Variants in SYNE2 observed in about 807,000 individuals in gnomAD.
SYNE2 encodes the protein nesprin-2.
In SYNE2, 431 loss-of-function variants were observed where a neutral mutation model predicts 856.3. The observed-to-expected ratio is 0.50, with a 90% CI of 0.47 to 0.55. SYNE2 has a LOEUF of 0.55. Ranked by LOEUF, SYNE2 falls within the 20% of genes least tolerant of loss-of-function variation. SYNE2 has a pLI of 0.00. For synonymous variants in SYNE2, 2,923 were observed against 2,872.3 expected, an observed-to-expected ratio of 1.02 and a Z score of -0.56; for missense variants, 8,129 against 8,023.2, an observed-to-expected ratio of 1.01 and a Z score of -0.50.
intron 1 of SYNE2, among the ~76,000 whole-genome samples, chr14:63,858,064 AAG>A (rs932735266): frequency 6.6e-6 from 1 of 152,016 alleles, no homozygotes; most frequent in Non-Finnish European, 1.5e-5. Context: ...CAGAAGGGCA[AAG>A]AGAGGGTGAG....
At chr14:64,013,631 G>A (rs773087460) in intron 32 of SYNE2, among the ~76,000 whole-genome samples, 13 of 152,186 alleles carry the variant, frequency 8.5e-5, no homozygotes, top group Non-Finnish European at 1.3e-4. Flanking sequence ...AGTTCCACCT[G>A]TGTGGACAAA....
rs769710539 is a variant in SYNE2 at position 64,146,272 on chromosome 14, G to A, written c.15639+49G>A. On this transcript the variant is annotated intron_variant, in intron 84 of 115. Transcript: ENST00000555002. The stretch of plus-strand genomic sequence containing the variant: ...CCCAACCCGCGAGCTGGGGTGATTC[G>A]GTCACCTCTCTTGCCCCGAGGATAA... 2.7e-5 allele frequency: 41 copies of A among 1,544,840 alleles called. 1 individual carries two copies. Among genetic ancestry groups the A allele is most frequent in the Non-Finnish European group, 3.0e-5 (34 of 1,141,594 alleles).
intron 45 of SYNE2, among the ~76,000 whole-genome samples, chr14:64,038,475 G>C (rs1200371179): frequency 6.6e-6 from 1 of 152,230 alleles, no homozygotes; most frequent in African/African-American, 2.4e-5. Context: ...TGGCACTTTG[G>C]GAGGCCAAGG....
rs376684112 is a variant in SYNE2, at chr14:64,087,725, G to A, written c.11539G>A (p.Asp3847Asn). Reference sequence around the variant, plus strand: ...CAATCTTTTACATTCAATCTTTATGGATCTAGAAGACCTGTCAATAATTTT... The same window carrying A: ...CAATCTTTTACATTCAATCTTTATGAATCTAGAAGACCTGTCAATAATTTT... ...KHNLLHSIFM[D>N]LEDLSIIFET... Residue 3847 changes from aspartate (D) to asparagine (N), a missense_variant, in exon 58 of 116, where the codon GAT (aspartate) becomes AAT (asparagine). Around this residue, in one of 3 missense-constraint regions of SYNE2, gnomAD observed 5,410 missense variants for 5,284.8 expected, o/e 1.02. Transcript: ENST00000555002. 1.4e-5 allele frequency: 22 copies of A among 1,613,912 alleles called. No individual in the cohort carries two copies. Among genetic ancestry groups the A allele is most frequent in the Admixed American group, 3.3e-5 (2 of 59,972 alleles).
At chr14:63,800,564 A>T (rs1025426209) in intron 1 of SYNE2, among the ~76,000 whole-genome samples, 26 of 152,218 alleles carry the variant, frequency 1.7e-4, no homozygotes, top group African/African-American at 6.0e-4. Flanking sequence ...TGCTGGGATT[A>T]TAGGCATGAG....
At position 64,215,486 on chromosome 14, in the gene SYNE2, T is replaced by G. The variant is rs770208862; in HGVS notation, c.19402+132T>G. 3 of 923,172 alleles carry G rather than the reference T, an allele frequency of 3.2e-6. No individual in the cohort carries two copies. In the East Asian group the frequency reaches 7.2e-5, roughly 22 times the overall value. The allele number at this position is 923,172 out of a possible 1,614,324, so 57.2% of individuals were successfully genotyped here. A position where few individuals can be genotyped will look rare whatever the true frequency, so the allele number is the denominator to read the frequency against. On this transcript the variant is annotated intron_variant, in intron 107 of 115. Coordinates refer to ENST00000555002, the MANE Select transcript of SYNE2 (RefSeq NM_182914.3). ...ATGCGCCTTGGTCCTTGTGTCATGGTGTATTTACACTGCCGTACTCACCCA... is the reference window on the plus strand; with the variant it reads ...ATGCGCCTTGGTCCTTGTGTCATGGGGTATTTACACTGCCGTACTCACCCA...
In SYNE2 at chr14:64,053,415, A is replaced by G. The variant is rs193035848; in HGVS notation, c.9502A>G (p.Ile3168Val). The G allele has an allele frequency of 5.5e-4, 891 of 1,613,046 alleles. 3 individuals are homozygous for G. In the African/African-American group the frequency reaches 0.011, roughly 20 times the overall value. Residue 3168 changes from isoleucine to valine, a missense_variant, in exon 48 of 116, where the codon ATA becomes GTA. Physicochemically the swap from Ile to Val is conservative, Grantham distance 29 (BLOSUM62 3). This residue lies in a region of SYNE2 where 5,410 missense variants were observed against 5,284.8 expected (regional missense o/e 1.02). Coordinates refer to ENST00000555002, the MANE Select transcript of SYNE2 (RefSeq NM_182914.3). ...LETSLHVLNQ[I>V]KSQLQQPLLI... ...AACTTCCTTACATGTTTTAAATCAG[A>G]TAAAATCTCAATTACAGCAGCCATT...
chr14:64,097,583 C>T (rs559729676), intron 61 of SYNE2, among the ~76,000 whole-genome samples: 40 of 152,318 alleles, frequency 2.6e-4, no homozygotes, highest in African/African-American at 8.4e-4. Flanking sequence ...GGCCCTGCCC[C>T]GTGGATCCTG....
In SYNE2 at chr14:64,181,651, T is replaced by TG. The variant is rs201616312; in HGVS notation, c.17556+4173dup. 8.4e-3 allele frequency among the ~76,000 whole-genome samples: 1,275 copies of TG among 152,304 alleles called. 16 individuals are homozygous for TG. The highest frequency in any genetic ancestry group is 0.03 in the African/African-American group (1,228 of 41,562). On this transcript the variant is annotated intron_variant, in intron 96 of 115. Transcript: ENST00000555002. ...CAGTGTGTTTCATCCCTGATTCACC[T>TG]GGGGGAAATACGCTAGCCACTTGAC...
intron 1 of SYNE2, among the ~76,000 whole-genome samples, chr14:63,896,996 A>T (rs1391798822): frequency 2.6e-5 from 4 of 152,166 alleles, no homozygotes; most frequent in Admixed American, 6.5e-5. Context: ...TCACACCTGT[A>T]ATTCCAGCAC....
At chr14:64,065,720 C>T (rs1238831402) in intron 51 of SYNE2, 70 bp downstream of exon 51, 5 of 1,543,648 alleles carry the variant, frequency 3.2e-6, no homozygotes, top group Non-Finnish European at 4.4e-6. Flanking sequence ...TTACTTTCAC[C>T]TTGTTTTTCT....
At chr14:63,795,774 G>A (rs1887896639) in intron 1 of SYNE2, among the ~76,000 whole-genome samples, 1 of 152,134 alleles carries the variant, frequency 6.6e-6, no homozygotes, top group Non-Finnish European at 1.5e-5. Flanking sequence ...GATGGTGAAT[G>A]GGTCATACAA....
In SYNE2 at chr14:64,202,952, G is replaced by A. The variant is rs182079744; in HGVS notation, c.18190G>A (p.Ala6064Thr). The part of the protein sequence containing the change: ...CDDQEIQKRL[A>T]EQQDLQRDIE... Reference sequence around the variant, plus strand: ...TGATCAAGAGATCCAGAAGAGGCTCGCTGAGCAGCAGGTGGGACAATCAGA... The same window carrying A: ...TGATCAAGAGATCCAGAAGAGGCTCACTGAGCAGCAGGTGGGACAATCAGA... The change falls in exon 100 of 116, where the codon GCT becomes ACT. Residue 6064 changes from alanine (A) to threonine (T), a missense_variant. Physicochemically the swap from Ala to Thr is moderately conservative, Grantham distance 58. This residue lies in a region of SYNE2 where 5,410 missense variants were observed against 5,284.8 expected (regional missense o/e 1.02). Transcript: ENST00000555002. The A allele has an allele frequency of 2.5e-4, 409 of 1,614,140 alleles. No individual in the cohort carries two copies. Among genetic ancestry groups the A allele is most frequent in the Admixed American group, 8.0e-4 (48 of 60,024 alleles).
At chr14:64,142,966 G>A (rs1178552445) in intron 82 of SYNE2, among the ~76,000 whole-genome samples, 1 of 152,252 alleles carries the variant, frequency 6.6e-6, no homozygotes. Flanking sequence ...TTAAGACCAT[G>A]CAGGCTGATG....
chr14:64,019,454 A>G (rs1247377717), intron 34 of SYNE2, among the ~76,000 whole-genome samples: 3 of 152,146 alleles, frequency 2.0e-5, no homozygotes, highest in Non-Finnish European at 4.4e-5. Flanking sequence ...AAGTTTTTGA[A>G]CTGTTTGGAG....
intron 1 of SYNE2, among the ~76,000 whole-genome samples, chr14:63,864,101 C>T (rs1007699517): frequency 3.9e-5 from 6 of 152,192 alleles, no homozygotes; most frequent in South Asian, 2.1e-4. Flanking sequence ...GTGTGAGCCA[C>T]GGCGCCTGGC....
intron 11 of SYNE2, 80 bp from the exon 12 acceptor site, chr14:63,976,483 A>C: frequency 1.4e-6 from 2 of 1,471,006 alleles, no homozygotes; most frequent in Admixed American, 3.7e-5. Context: ...ACTTCAAAGA[A>C]TCAAACATAC....
At chr14:63,773,976 T>C (rs1338256012) in intron 1 of SYNE2, among the ~76,000 whole-genome samples, 1 of 152,198 alleles carries the variant, frequency 6.6e-6, no homozygotes, top group African/African-American at 2.4e-5. Flanking sequence ...TTTGCATTTG[T>C]AAGGCATTTC....
In SYNE2 at chr14:63,967,708, G is replaced by C; in HGVS notation, c.991-1G>C. The C allele has an allele frequency of 6.2e-7, 1 of 1,613,862 alleles. No individual in the cohort carries two copies. The highest frequency in any genetic ancestry group is 8.5e-7 in the Non-Finnish European group (1 of 1,179,816). ...TCTTTAAAATACTCTTCTAATTGCAGAGCCTGCTGTCCTTTATGGAGTCAT... is the reference window on the plus strand; with the variant it reads ...TCTTTAAAATACTCTTCTAATTGCACAGCCTGCTGTCCTTTATGGAGTCAT... On this transcript the variant is annotated splice_acceptor_variant, in intron 10 of 115. Coordinates refer to ENST00000555002, the MANE Select transcript of SYNE2 (RefSeq NM_182914.3). LOFTEE classifies it high-confidence loss of function.
Sources: allele counts gnomAD v4.1 joint callset (sites outside exome capture counted in the v4.1 genomes callset), GRCh38; gene constraint gnomAD v4.1.1; regional missense constraint gnomAD v4.1.1; transcripts MANE v1.5; gene names NCBI Gene and HGNC (gene_info 2026-07-23, HGNC 2026-07-21).